The following RD3 variants were observed in gnomAD, a reference collection of about 807,000 sequenced individuals.
The protein encoded by RD3 is protein RD3.
Under a neutral mutation model 16.9 loss-of-function variants are expected in RD3, and 11 were observed. The ratio of observed to expected loss-of-function variants is 0.65; its 90% CI spans 0.41 to 1.08. RD3 has a LOEUF of 1.08. RD3 is among the 50% of genes least tolerant of loss of function. The probability of loss-of-function intolerance (pLI) is 0.00; values close to 1 mark genes in which losing one functional copy is unlikely to be tolerated. For synonymous variants in RD3, 116 were observed against 114.8 expected (o/e 1.01, Z -0.07); for missense variants, 274 against 267.4 (o/e 1.02, Z -0.17).
intron 1 of RD3, among the ~76,000 whole-genome samples, chr1:211,489,885 C>T (rs1030107974): frequency 2.6e-5 from 4 of 152,146 alleles, no homozygotes; most frequent in African/African-American, 9.7e-5. Flanking sequence ...AGCCCTCGCA[C>T]GTTCTGTCTC....
Position 211,479,174 on chromosome 1 carries a change from C to T in RD3, c.450G>A (p.Leu150=), listed in dbSNP as rs367790139. 76 of 1,612,700 alleles carry T rather than the reference C, an allele frequency of 4.7e-5. No homozygotes were observed. The highest frequency in any genetic ancestry group is 6.2e-5 in the Non-Finnish European group (73 of 1,179,614). Residue 150 remains leucine, a synonymous_variant, in exon 3 of 3, where the codon CTG becomes CTA. Coordinates refer to ENST00000680073, the MANE Select transcript of RD3 (RefSeq NM_001164688.2). ...TGCGCGCGCGGGTCTTGAAGGTGGCCAGGCTGCCGCGGGGCCGCAGGCTCC... is the reference window on the plus strand; with the variant it reads ...TGCGCGCGCGGGTCTTGAAGGTGGCTAGGCTGCCGCGGGGCCGCAGGCTCC... ...RQWSLRPRGS[L]ATFKTRARIS...
chr1:211,490,746 C>T (rs1705474810), intron 1 of RD3, among the ~76,000 whole-genome samples: 2 of 152,274 alleles, frequency 1.3e-5, no homozygotes, highest in South Asian at 4.1e-4. Context: ...ATCCTCTGCC[C>T]ACCTGACAGA....
Position 211,478,729 on chromosome 1 carries a change from T to G in RD3, c.*307A>C. ...TCCCCTTTTAGACAGAACCAGGAGATGAGGATGGGGCAATGGTCTGTCTTC... is the reference window on the plus strand; with the variant it reads ...TCCCCTTTTAGACAGAACCAGGAGAGGAGGATGGGGCAATGGTCTGTCTTC... On this transcript the variant is annotated 3_prime_UTR_variant, in exon 3 of 3. Transcript: ENST00000680073. 2.6e-6 allele frequency: 1 copy of G among 386,098 alleles called. No homozygotes were observed. Among genetic ancestry groups the G allele is most frequent in the Non-Finnish European group, 4.7e-6 (1 of 214,580 alleles). 23.9% of individuals were successfully genotyped at this position (386,098 alleles called of 1,614,324 possible). A position where few individuals can be genotyped will look rare whatever the true frequency, so the allele number is the denominator to read the frequency against.
intron 1 of RD3, among the ~76,000 whole-genome samples, chr1:211,486,396 T>C (rs1300899195): frequency 6.7e-6 from 1 of 148,986 alleles, no homozygotes; most frequent in Non-Finnish European, 1.5e-5. Flanking sequence ...TTCCAGCTAG[T>C]CGGGAGGTGG....
In RD3 at chr1:211,479,347, G is replaced by T. The variant is rs1254410829; in HGVS notation, c.297-20C>A. The T allele has an allele frequency of 1.9e-5, 31 of 1,591,606 alleles. No individual in the cohort carries two copies. Among genetic ancestry groups the T allele is most frequent in the Non-Finnish European group, 2.4e-5 (28 of 1,170,436 alleles). On this transcript the variant is annotated intron_variant, in intron 2 of 2. Transcript: ENST00000680073. ...CGGAACCTGGGCGGGAGGGGAGGGC[G>T]CTGGGGACATTCACCCACAACAGCG...
chr1:211,477,697 C>T lies in RD3; in HGVS notation c.*1339G>A, dbSNP rs1358979514. On this transcript the variant is annotated 3_prime_UTR_variant, in exon 3 of 3. Coordinates refer to ENST00000680073, the MANE Select transcript of RD3 (RefSeq NM_001164688.2). ...AAGGGAAGTTCAAAACCAAATCATT[C>T]AAAAAAACTTTTTTCCACTGAGGGA... 6.2e-6 allele frequency: 1 copy of T among 161,358 alleles called. No individual in the cohort carries two copies. Among genetic ancestry groups the T allele is most frequent in the African/African-American group, 2.4e-5 (1 of 41,026 alleles). The allele number at this position is 161,358 out of a possible 1,614,324, so 10.0% of individuals were successfully genotyped here. A position where few individuals can be genotyped will look rare whatever the true frequency, so the allele number is the denominator to read the frequency against.
At chr1:211,484,748 C>G (rs1379757715) in intron 1 of RD3, among the ~76,000 whole-genome samples, 1 of 152,208 alleles carries the variant, frequency 6.6e-6, no homozygotes, top group East Asian at 1.9e-4. Flanking sequence ...CGGCCCTCAG[C>G]CTGCCTCCCT....
chr1:211,479,916 T>C (rs181503117), intron 2 of RD3, among the ~76,000 whole-genome samples: 1 of 152,324 alleles, frequency 6.6e-6, no homozygotes, highest in East Asian at 1.9e-4. Flanking sequence ...AGCTGTTTAC[T>C]CTGCCTAGGC....
At position 211,481,297 on chromosome 1, in the gene RD3, G is replaced by A. The variant is rs773204569; in HGVS notation, c.119C>T (p.Ala40Val). Residue 40 changes from alanine to valine, a missense_variant, in exon 2 of 3, where the codon GCT becomes GTT. Coordinates refer to ENST00000680073, the MANE Select transcript of RD3 (RefSeq NM_001164688.2). ...GCTGCGCTCCCGCTGCTGCCTCTCA[G>A]CCTCTCGCATCTGCCCCGTCAGCTC... ...MMELTGQMRE[A>V]ERQQRERSNA... 7.4e-6 allele frequency: 12 copies of A among 1,614,252 alleles called. No individual in the cohort carries two copies. Among genetic ancestry groups the A allele is most frequent in the African/African-American group, 2.7e-5 (2 of 75,074 alleles).
At chr1:211,485,272 G>C (rs1376666475) in intron 1 of RD3, among the ~76,000 whole-genome samples, 4 of 152,288 alleles carry the variant, frequency 2.6e-5, no homozygotes, top group Middle Eastern at 3.4e-3. Flanking sequence ...CCCAGGTGTA[G>C]GGTCTCAACA....
Position 211,478,486 on chromosome 1 carries a change from G to A in RD3, c.*550C>T. 1 of 282,666 alleles carries A rather than the reference G, an allele frequency of 3.5e-6. No individual in the cohort carries two copies. Among genetic ancestry groups the A allele is most frequent in the Non-Finnish European group, 6.5e-6 (1 of 153,742 alleles). The allele number at this position is 282,666 out of a possible 1,614,324, so 17.5% of individuals were successfully genotyped here. ...GCCTCAAGTTCCACATTTACTAGCTGAAGAGAGTGGATCTAAATGTCTCTC... is the reference window on the plus strand; with the variant it reads ...GCCTCAAGTTCCACATTTACTAGCTAAAGAGAGTGGATCTAAATGTCTCTC... On this transcript the variant is annotated 3_prime_UTR_variant, in exon 3 of 3. Transcript: ENST00000680073.
chr1:211,486,201 C>A (rs2102371491), intron 1 of RD3, among the ~76,000 whole-genome samples: 1 of 150,222 alleles, frequency 6.7e-6, no homozygotes, highest in African/African-American at 2.4e-5. Flanking sequence ...AGATCCCCTT[C>A]TTTATATTTA....
At chr1:211,488,837 G>T (rs1252800481) in intron 1 of RD3, among the ~76,000 whole-genome samples, 1 of 152,118 alleles carries the variant, frequency 6.6e-6, no homozygotes, top group Non-Finnish European at 1.5e-5. Flanking sequence ...GGGGCCTGGG[G>T]TCCAGTACCA....
chr1:211,490,579 G>T (rs1023699432), intron 1 of RD3, among the ~76,000 whole-genome samples: 1 of 152,266 alleles, frequency 6.6e-6, no homozygotes, highest in Non-Finnish European at 1.5e-5. Context: ...TGGGGGCAGA[G>T]AGTAGGTGCT....
chr1:211,489,573 C>CT (rs11334507), intron 1 of RD3, among the ~76,000 whole-genome samples: 10,921 of 137,722 alleles, frequency 0.079, 1,295 homozygotes, highest in African/African-American at 0.26. Flanking sequence ...TTTTTTCTTT[C>CT]TTTTTTTTTT....
intron 1 of RD3, among the ~76,000 whole-genome samples, chr1:211,483,038 G>T (rs765894980): frequency 6.6e-6 from 1 of 151,964 alleles, no homozygotes; most frequent in Non-Finnish European, 1.5e-5. Flanking sequence ...AATTGTTAAG[G>T]TAAATAATCA....
chr1:211,477,336 C>T lies in RD3; in HGVS notation c.*1700G>A, dbSNP rs1007378664. 1 of 151,956 alleles carries T rather than the reference C, an allele frequency of 6.6e-6. No homozygotes were observed. Among genetic ancestry groups the T allele is most frequent in the South Asian group, 2.1e-4 (1 of 4,818 alleles). The allele number at this position is 151,956 out of a possible 1,614,324, so 9.4% of individuals were successfully genotyped here. On this transcript the variant is annotated 3_prime_UTR_variant, in exon 3 of 3. Transcript: ENST00000680073. The stretch of plus-strand genomic sequence containing the variant: ...TGGGGTGATGGCACGTGCCTGTAGT[C>T]CCAGCTACTTAGGAGGCTGAGGCAG...
At position 211,481,213 on chromosome 1, in the gene RD3, C is replaced by T. The variant is rs777789102; in HGVS notation, c.203G>A (p.Arg68Gln). 5.0e-6 allele frequency: 8 copies of T among 1,614,114 alleles called. No homozygotes were observed. Among genetic ancestry groups the T allele is most frequent in the Middle Eastern group, 1.6e-4 (1 of 6,084 alleles). Residue 68 changes from arginine to glutamine, a missense_variant, in exon 2 of 3, where the codon CGG becomes CAG. Arg to Gln is a conservative substitution (Grantham distance 43). Transcript: ENST00000680073. The part of the protein sequence containing the change: ...VDYSWLASTP[R>Q]STYDLSPIER... Reference sequence around the variant, plus strand: ...AATGGGGCTGAGGTCATAGGTGGACCGGGGTGTGCTGGCCAGCCAGCTGTA... The same window carrying T: ...AATGGGGCTGAGGTCATAGGTGGACTGGGGTGTGCTGGCCAGCCAGCTGTA...
At chr1:211,480,300 T>C (rs1216077769) in intron 2 of RD3, among the ~76,000 whole-genome samples, 1 of 151,448 alleles carries the variant, frequency 6.6e-6, no homozygotes, top group African/African-American at 2.4e-5. Context: ...CTGAAGAAGG[T>C]GAAAGGGGCT....
Sources: gnomAD v4.1 joint callset for allele counts (sites outside exome capture counted in the v4.1 genomes callset) on GRCh38, gnomAD v4.1.1 for gene constraint, MANE v1.5 for transcripts, NCBI Gene and HGNC (gene_info 2026-07-23, HGNC 2026-07-21) for gene names.